Variants in VIRMA observed in about 807,000 individuals in gnomAD.
The protein encoded by VIRMA is vir like m6A methyltransferase associated.
Under a neutral mutation model 182.4 loss-of-function variants are expected in VIRMA, and 65 were observed. The ratio of observed to expected loss-of-function variants is 0.36; its 90% confidence interval spans 0.29 to 0.44. The LOEUF (loss-of-function observed/expected upper bound fraction) is 0.44. VIRMA is among the 20% of genes least tolerant of loss of function. The pLI, the probability that VIRMA is intolerant of heterozygous loss-of-function variation, is 1.00. For missense variants in VIRMA, 1,752 were observed against 2,158.1 expected, an observed-to-expected ratio of 0.81 and a Z score of 3.73; for synonymous variants, 709 against 743.1, an observed-to-expected ratio of 0.95 and a Z score of 0.75.
chr8:94,492,119 T>A (rs78871083), intron 21 of VIRMA, among the ~76,000 whole-genome samples: 2,693 of 152,196 alleles, frequency 0.018, 76 homozygotes, highest in African/African-American at 0.061. Context: ...TTTAAAATAA[T>A]CCAGTTCACT....
At position 94,533,423 on chromosome 8, in the gene VIRMA, TTTTA is replaced by T. The variant is rs1247917897; in HGVS notation, c.484+1412_484+1415del. Among the ~76,000 whole-genome samples the T allele has an allele frequency of 5.9e-5, 9 of 152,154 alleles. No individual in the cohort carries two copies. In the South Asian group the frequency reaches 1.0e-3, roughly 18 times the overall value. ...TTTCAAAATGTATTCTTGAAACTCC[TTTTA>T]TTTATTTATTTTGTGTGTGGGTTTC... On this transcript the variant is annotated intron_variant, in intron 5 of 23. Transcript: ENST00000297591.
At chr8:94,512,747 A>G (rs916538648) in intron 11 of VIRMA, among the ~76,000 whole-genome samples, 1 of 152,212 alleles carries the variant, frequency 6.6e-6, no homozygotes, top group African/African-American at 2.4e-5. Context: ...ATTGCACTCC[A>G]GCCTGGGTGA....
chr8:94,499,343 T>C (rs1195221001), intron 17 of VIRMA, 31 bp downstream of exon 17: 3 of 1,451,788 alleles, frequency 2.1e-6, no homozygotes, highest in Non-Finnish European at 2.8e-6. Flanking sequence ...TACATACATA[T>C]ATACACAAAC....
intron 19 of VIRMA, 108 bp from the exon 20 acceptor site, chr8:94,495,064 G>A (rs746143111): frequency 8.9e-5 from 68 of 760,812 alleles, no homozygotes; most frequent in Non-Finnish European, 1.5e-4. Context: ...GCAGTGGCAC[G>A]ATCACAGTTC....
In VIRMA at chr8:94,519,377, A is replaced by G. The variant is rs1385668519; in HGVS notation, c.2121T>C (p.Val707=). 6.4e-7 allele frequency: 1 copy of G among 1,574,310 alleles called. No individual in the cohort carries two copies. Among genetic ancestry groups the G allele is most frequent in the Admixed American group, 1.9e-5 (1 of 51,970 alleles). ...HPGVLQATKD[V]LKFLAQSQKG... The stretch of plus-strand genomic sequence containing the variant: ...TCTGTGACTGTGCAAGAAACTTCAA[A>G]ACATCTTTTGTGGCTTGCAGCACAC... The change falls in exon 9 of 24, where the codon GTT becomes GTC. Residue 707 remains valine, a synonymous_variant. Transcript: ENST00000297591.
At position 94,506,550 on chromosome 8, in the gene VIRMA, T is replaced by C. The variant is rs528062791; in HGVS notation, c.4047A>G (p.Arg1349=). The part of the protein sequence containing the change: ...SSYNCLLTCV[R]TMMFLAEHDY... Reference sequence around the variant, plus strand: ...CATGCTCTGCAAGAAACATCATTGTTCTGACACATGTCAGTAAACAGTTGT... The same window carrying C: ...CATGCTCTGCAAGAAACATCATTGTCCTGACACATGTCAGTAAACAGTTGT... The change falls in exon 16 of 24, where the codon AGA becomes AGG. Residue 1349 remains arginine (R), a synonymous_variant. Coordinates refer to ENST00000297591, the MANE Select transcript of VIRMA (RefSeq NM_015496.5). The C allele has an allele frequency of 6.2e-7, 1 of 1,613,578 alleles. No individual in the cohort carries two copies. The highest frequency in any genetic ancestry group is 8.5e-7 in the Non-Finnish European group (1 of 1,179,606).
At chr8:94,520,957 C>G (rs1459646464) in intron 8 of VIRMA, among the ~76,000 whole-genome samples, 1 of 152,160 alleles carries the variant, frequency 6.6e-6, no homozygotes, top group East Asian at 1.9e-4. Context: ...GACTCAAACT[C>G]CTGGTCTTAA....
At chr8:94,547,659 T>C (rs2130397622) in intron 1 of VIRMA, among the ~76,000 whole-genome samples, 1 of 151,014 alleles carries the variant, frequency 6.6e-6, no homozygotes, top group Non-Finnish European at 1.5e-5. Context: ...CACTGGAAAG[T>C]ACTATTAAAA....
In VIRMA at chr8:94,553,417, A is replaced by G. The variant is rs747761742; in HGVS notation, c.31T>C (p.Phe11Leu). 6.2e-7 allele frequency: 1 copy of G among 1,614,260 alleles called. No individual in the cohort carries two copies. Among genetic ancestry groups the G allele is most frequent in the South Asian group, 1.1e-5 (1 of 91,090 alleles). The stretch of plus-strand genomic sequence containing the variant: ...CTCGGGTGTTTAAAAGTATCTAAAA[A>G]TAACAGCTCCATCGCCGAGTCCACC... The part of the protein sequence containing the change: MAVDSAMELL[F>L]LDTFKHPSAE... The change falls in exon 1 of 24, where the codon TTT (phenylalanine) becomes CTT (leucine). Residue 11 changes from phenylalanine to leucine, a missense_variant. Physicochemically the swap from Phe to Leu is conservative, Grantham distance 22. Around this residue, in one of 11 missense-constraint regions of VIRMA, gnomAD observed 195 missense variants for 191.7 expected, o/e 1.02. Transcript: ENST00000297591.
At position 94,553,435 on chromosome 8, in the gene VIRMA, A is replaced by G. The variant is rs758190737; in HGVS notation, c.13T>C (p.Ser5Pro). MAVD[S>P]AMELLFLDTF... Reference sequence around the variant, plus strand: ...TCTAAAAATAACAGCTCCATCGCCGAGTCCACCGCCATGTTTGCCGCGGGC... The same window carrying G: ...TCTAAAAATAACAGCTCCATCGCCGGGTCCACCGCCATGTTTGCCGCGGGC... Residue 5 changes from serine to proline, a missense_variant, in exon 1 of 24, where the codon TCG becomes CCG. Coordinates refer to ENST00000297591, the MANE Select transcript of VIRMA (RefSeq NM_015496.5). 3 of 1,614,212 alleles carry G rather than the reference A, an allele frequency of 1.9e-6. No individual in the cohort carries two copies. Among genetic ancestry groups the G allele is most frequent in the Non-Finnish European group, 2.5e-6 (3 of 1,180,036 alleles).
chr8:94,495,944 A>C, intron 18 of VIRMA, 53 bp from the exon 19 acceptor site: 1 of 1,503,276 alleles, frequency 6.7e-7, no homozygotes, highest in African/African-American at 1.4e-5. Context: ...TTATGTCTGT[A>C]AACCTACTGA....
chr8:94,551,358 A>G (rs1380658059), intron 1 of VIRMA, among the ~76,000 whole-genome samples: 1 of 152,228 alleles, frequency 6.6e-6, no homozygotes, highest in African/African-American at 2.4e-5. Context: ...CTAAGATGAT[A>G]AACCCCAACG....
intron 5 of VIRMA, 112 bp from the exon 6 acceptor site, chr8:94,531,197 G>C (rs1435426102): frequency 1.7e-6 from 2 of 1,181,880 alleles, no homozygotes; most frequent in East Asian, 2.8e-5. Flanking sequence ...AAAGCAAAGA[G>C]AGATCTAAAA....
At chr8:94,516,693 C>A (rs1358018408) in intron 10 of VIRMA, among the ~76,000 whole-genome samples, 2 of 151,824 alleles carry the variant, frequency 1.3e-5, no homozygotes. Context: ...TACCCAACAC[C>A]CAGAAAAAGT....
intron 8 of VIRMA, among the ~76,000 whole-genome samples, chr8:94,522,952 T>G (rs538125472): frequency 6.6e-6 from 1 of 152,270 alleles, no homozygotes; most frequent in South Asian, 2.1e-4. Context: ...GGCCCTTTAT[T>G]TCCTCTTGTC....
chr8:94,502,776 T>G (rs2099788), intron 16 of VIRMA, among the ~76,000 whole-genome samples: 9 of 151,582 alleles, frequency 5.9e-5, no homozygotes, highest in African/African-American at 1.7e-4. Flanking sequence ...ACTTAAAAAA[T>G]TTTTTTTTAA....
chr8:94,499,250 C>G, intron 17 of VIRMA, 124 bp downstream of exon 17: 1 of 609,942 alleles, frequency 1.6e-6, no homozygotes, highest in Non-Finnish European at 2.6e-6. Context: ...ATCCTCCCAC[C>G]TCAGCCCACC....
At chr8:94,518,250 G>C (rs573315592) in intron 9 of VIRMA, among the ~76,000 whole-genome samples, 318 of 152,322 alleles carry the variant, frequency 2.1e-3, no homozygotes, top group African/African-American at 7.0e-3. Flanking sequence ...AGGTTAGGAA[G>C]TATACTTCAT....
At position 94,534,917 on chromosome 8, in the gene VIRMA, T is replaced by C. The variant is rs367780566; in HGVS notation, c.406A>G (p.Arg136Gly). 44 of 1,613,974 alleles carry C rather than the reference T, an allele frequency of 2.7e-5. No individual in the cohort carries two copies. The East Asian group carries it at 8.0e-4, about 29-fold the overall frequency. Residue 136 changes from arginine to glycine, a missense_variant, in exon 5 of 24, where the codon AGA becomes GGA. Physicochemically the swap from Arg to Gly is moderately radical, Grantham distance 125. Transcript: ENST00000297591. Reference protein sequence around the residue: ...GSVDRVISHDRDSPPPPPPPP... With the variant: ...GSVDRVISHDGDSPPPPPPPP... ...GGAGGTGGTGGTGGTGGAGAGTCTC[T>C]GTCATGACTTATCACTCTATCCACT...
Sources: allele counts gnomAD v4.1 joint callset (sites outside exome capture counted in the v4.1 genomes callset), GRCh38; gene constraint gnomAD v4.1.1; regional missense constraint gnomAD v4.1.1; transcripts MANE v1.5; gene names NCBI Gene and HGNC (gene_info 2026-07-23, HGNC 2026-07-21).